Variants in ZBTB7C observed in about 807,000 individuals in gnomAD.
ZBTB7C encodes the protein zinc finger and BTB domain-containing protein 7C.
A neutral mutation model predicts 25.7 loss-of-function variants in ZBTB7C; 8 were observed. The observed-to-expected ratio is 0.31, with a 90% CI of 0.18 to 0.56. The LOEUF (loss-of-function observed/expected upper bound fraction) is 0.56, where lower values mean the gene tolerates loss of function less well. ZBTB7C is among the 20% of genes least tolerant of loss of function. The pLI is 0.91. For missense variants in ZBTB7C, 824 were observed against 855.2 expected (o/e 0.96, Z 0.46); for synonymous variants, 394 against 369.0 (o/e 1.07, Z -0.78).
intron 2 of ZBTB7C, among the ~76,000 whole-genome samples, chr18:48,221,995 G>C (rs2042975545): frequency 6.7e-6 from 1 of 150,294 alleles, no homozygotes; most frequent in Non-Finnish European, 1.5e-5. Context: ...CCTCTATACT[G>C]TCCTAGTCTC....
At chr18:48,376,485 G>A (rs548880222) in intron 1 of ZBTB7C, among the ~76,000 whole-genome samples, 4 of 152,212 alleles carry the variant, frequency 2.6e-5, no homozygotes, top group Non-Finnish European at 4.4e-5. Context: ...GTCTCCGGTT[G>A]CCTAAAATCA....
intron 2 of ZBTB7C, among the ~76,000 whole-genome samples, chr18:48,231,517 C>T (rs2043251370): frequency 6.6e-6 from 1 of 152,184 alleles, no homozygotes; most frequent in African/African-American, 2.4e-5. Flanking sequence ...GCCAACCTGC[C>T]TGTGGAGAGG....
intron 3 of ZBTB7C, among the ~76,000 whole-genome samples, chr18:48,122,070 G>A (rs1027076018): frequency 6.6e-6 from 1 of 152,190 alleles, no homozygotes; most frequent in Non-Finnish European, 1.5e-5. Context: ...CTGCAGCCGA[G>A]CCAGCTGAGC....
intron 2 of ZBTB7C, among the ~76,000 whole-genome samples, chr18:48,312,861 T>C (rs539967028): frequency 5.9e-5 from 9 of 152,322 alleles, no homozygotes; most frequent in Admixed American, 2.0e-4. Flanking sequence ...TCCTGGGCTG[T>C]GGTGAACAGG....
intron 1 of ZBTB7C, among the ~76,000 whole-genome samples, chr18:48,379,156 A>C (rs150762707): frequency 6.6e-6 from 1 of 152,272 alleles, no homozygotes; most frequent in East Asian, 1.9e-4. Context: ...CCTTTGTCAA[A>C]GATCAGTTGA....
At chr18:48,119,350 TGCAGGCGCAACCCCAGC>T (rs1330245322) in intron 3 of ZBTB7C, among the ~76,000 whole-genome samples, 1 of 149,632 alleles carries the variant, frequency 6.7e-6, no homozygotes, top group Admixed American at 6.6e-5. Context: ...ATCAAGCCAG[TGCAGGCGCAACCCCAGC>T]GCAGGCGCAA....
In ZBTB7C at chr18:48,114,250, T is replaced by C. The variant is rs535152671; in HGVS notation, c.-17+71684A>G. Reference sequence around the variant, plus strand: ...ACATTATTTTATGAAGTTGGACACATGCACACCCTCTGACCCAGCAATCCC... The same window carrying C: ...ACATTATTTTATGAAGTTGGACACACGCACACCCTCTGACCCAGCAATCCC... On this transcript the variant is annotated intron_variant, in intron 3 of 4. Coordinates refer to ENST00000590800, the MANE Select transcript of ZBTB7C (RefSeq NM_001318841.2). Among the ~76,000 whole-genome samples the C allele has an allele frequency of 2.0e-5, 3 of 152,266 alleles. No homozygotes were observed. The South Asian group carries it at 6.2e-4, about 32-fold the overall frequency.
At chr18:48,249,207 A>G (rs1021669257) in intron 2 of ZBTB7C, among the ~76,000 whole-genome samples, 6 of 152,252 alleles carry the variant, frequency 3.9e-5, no homozygotes, top group African/African-American at 9.6e-5. Context: ...ATTCAGCAAT[A>G]TAGAGAAAGA....
At chr18:48,396,602 T>C (rs2048032704) in intron 1 of ZBTB7C, among the ~76,000 whole-genome samples, 1 of 152,166 alleles carries the variant, frequency 6.6e-6, no homozygotes, top group Admixed American at 6.5e-5. Flanking sequence ...GGATAATAAA[T>C]CCACCGAAGG....
intron 2 of ZBTB7C, among the ~76,000 whole-genome samples, chr18:48,198,525 G>C (rs2042367309): frequency 6.6e-6 from 1 of 152,146 alleles, no homozygotes; most frequent in African/African-American, 2.4e-5. Flanking sequence ...TTGTTTCCTT[G>C]ACGTGTCCAG....
At chr18:48,121,956 C>A (rs2039644438) in intron 3 of ZBTB7C, among the ~76,000 whole-genome samples, 1 of 152,154 alleles carries the variant, frequency 6.6e-6, no homozygotes, top group Non-Finnish European at 1.5e-5. Flanking sequence ...AGCATTAAGG[C>A]CTGAGCTGAC....
At chr18:48,185,147 A>C (rs1323825846) in intron 3 of ZBTB7C, among the ~76,000 whole-genome samples, 1 of 151,538 alleles carries the variant, frequency 6.6e-6, no homozygotes, top group Non-Finnish European at 1.5e-5. Context: ...CCACCCTCAG[A>C]CCCATGCCTA....
chr18:48,191,033 G>A lies in ZBTB7C; in HGVS notation c.-78-5038C>T, dbSNP rs1349363980. ...TCTCTCACTTTACAACCAAGGCCAC[G>A]GAAGCCCAGTGGGGCCAAATACCTT... On this transcript the variant is annotated intron_variant, in intron 2 of 4. Coordinates refer to ENST00000590800, the MANE Select transcript of ZBTB7C (RefSeq NM_001318841.2). 3.9e-5 allele frequency among the ~76,000 whole-genome samples: 6 copies of A among 152,282 alleles called. No individual in the cohort carries two copies. In the East Asian group the frequency reaches 5.8e-4, roughly 15 times the overall value.
At chr18:48,310,245 T>C (rs1259776669) in intron 2 of ZBTB7C, among the ~76,000 whole-genome samples, 2 of 151,594 alleles carry the variant, frequency 1.3e-5, no homozygotes, top group Non-Finnish European at 2.9e-5. Context: ...AAAAAAAAAT[T>C]GGTTCCTATT....
intron 2 of ZBTB7C, among the ~76,000 whole-genome samples, chr18:48,334,712 G>C (rs2046421483): frequency 6.6e-6 from 1 of 152,184 alleles, no homozygotes; most frequent in African/African-American, 2.4e-5. Context: ...AATAAGATCT[G>C]AACTCCCTAC....
chr18:48,089,341 G>GC (rs1328791423), intron 3 of ZBTB7C, among the ~76,000 whole-genome samples: 22 of 151,894 alleles, frequency 1.4e-4, no homozygotes, highest in Admixed American at 1.4e-3. Flanking sequence ...GTGGTGGTGG[G>GC]CGCCTGTATA....
chr18:48,046,501 A>G (rs906383961), intron 3 of ZBTB7C, among the ~76,000 whole-genome samples: 16 of 152,238 alleles, frequency 1.1e-4, no homozygotes, highest in African/African-American at 3.6e-4. Context: ...TTAGTTCTCT[A>G]TGGAGAGCCA....
chr18:48,360,080 G>T (rs1598951228), intron 1 of ZBTB7C, among the ~76,000 whole-genome samples: 1 of 152,224 alleles, frequency 6.6e-6, no homozygotes, highest in Non-Finnish European at 1.5e-5. Context: ...TCAGAACGTG[G>T]CCAGTCTGGA....
At chr18:48,044,870 C>T (rs998505716) in intron 3 of ZBTB7C, among the ~76,000 whole-genome samples, 32 of 152,220 alleles carry the variant, frequency 2.1e-4, no homozygotes, top group Admixed American at 1.9e-3. Context: ...GCATTTAGCT[C>T]CTATTGTTAC....
Sources: gnomAD v4.1 joint callset for allele counts (sites outside exome capture counted in the v4.1 genomes callset) on GRCh38, gnomAD v4.1.1 for gene constraint, MANE v1.5 for transcripts, NCBI Gene and HGNC (gene_info 2026-07-23, HGNC 2026-07-21) for gene names.